Variants in FRMD7 observed in about 807,000 individuals in gnomAD.
The protein encoded by FRMD7 is FERM domain-containing protein 7.
Under a neutral mutation model 44.1 loss-of-function variants are expected in FRMD7, and 14 were observed. The ratio of observed to expected loss-of-function variants is 0.32; its 90% CI spans 0.21 to 0.50. The LOEUF is 0.50. Ranked by LOEUF, FRMD7 falls within the 20% of genes least tolerant of loss-of-function variation. FRMD7 has a pLI of 0.99. For missense variants in FRMD7, 501 were observed against 522.3 expected (o/e 0.96, Z 0.40); for synonymous variants, 212 against 187.4 (o/e 1.13, Z -1.07).
intron 3 of FRMD7, among the ~76,000 whole-genome samples, chrX:132,098,856 A>T (rs1363737243): frequency 9.1e-6 from 1 of 109,602 alleles, no homozygotes; most frequent in African/African-American, 3.3e-5. Flanking sequence ...AGTAAAAGAG[A>T]CATTAAAACA....
chrX:132,113,669 G>A (rs1029576152), intron 1 of FRMD7, among the ~76,000 whole-genome samples: 6 of 111,006 alleles, frequency 5.4e-5, no homozygotes, highest in African/African-American at 1.6e-4. Context: ...CATAGTAGTC[G>A]TATATATTTA....
At position 132,116,271 on chromosome X, in the gene FRMD7, C is replaced by T. The variant is rs186004962; in HGVS notation, c.57+11517G>A. ...CTATTCAACAACTATTGCTTGCCTT[C>T]TCAAAGTTAAAGGAACTTACTGCAT... On this transcript the variant is annotated intron_variant, in intron 1 of 11. Coordinates refer to ENST00000298542, the MANE Select transcript of FRMD7 (RefSeq NM_194277.3). Among the ~76,000 whole-genome samples, 11 of 112,119 alleles carry T rather than the reference C, an allele frequency of 9.8e-5. No individual in the cohort carries two copies. The East Asian group carries it at 2.8e-3, about 28-fold the overall frequency.
At chrX:132,124,479 T>G (rs973626950) in intron 1 of FRMD7, among the ~76,000 whole-genome samples, 1 of 112,007 alleles carries the variant, frequency 8.9e-6, no homozygotes, top group Admixed American at 9.5e-5. Context: ...GATTGTACTT[T>G]AGTAGGCACA....
At chrX:132,120,336 A>T (rs1030115961) in intron 1 of FRMD7, among the ~76,000 whole-genome samples, 1 of 112,614 alleles carries the variant, frequency 8.9e-6, no homozygotes, top group Non-Finnish European at 1.9e-5. Context: ...AGATCTGCAG[A>T]TCGTTCTGGC....
At chrX:132,103,768 C>T (rs1928574262) in intron 1 of FRMD7, among the ~76,000 whole-genome samples, 1 of 112,188 alleles carries the variant, frequency 8.9e-6, no homozygotes, top group South Asian at 3.7e-4. Flanking sequence ...CACTTACTAG[C>T]TGGACGAATT....
intron 1 of FRMD7, 48 bp downstream of exon 1, chrX:132,127,740 T>C (rs1007874380): frequency 1.0e-6 from 1 of 999,964 alleles, no homozygotes; most frequent in African/African-American, 1.9e-5. Context: ...CAAATGACAA[T>C]TATTGAATGA....
intron 1 of FRMD7, among the ~76,000 whole-genome samples, chrX:132,118,921 T>C (rs1928970123): frequency 9.0e-6 from 1 of 111,236 alleles, no homozygotes; most frequent in Admixed American, 9.6e-5. Flanking sequence ...GGGGTTCAGA[T>C]TAGACATCAC....
At chrX:132,121,083 A>G (rs1182991888) in intron 1 of FRMD7, among the ~76,000 whole-genome samples, 1 of 111,799 alleles carries the variant, frequency 8.9e-6, no homozygotes, top group Non-Finnish European at 1.9e-5. Flanking sequence ...ATCAACAAAC[A>G]TCGATTGATC....
intron 1 of FRMD7, among the ~76,000 whole-genome samples, chrX:132,113,803 A>T (rs1402245242): frequency 2.7e-5 from 3 of 111,252 alleles, no homozygotes; most frequent in Non-Finnish European, 5.7e-5. Flanking sequence ...ACACTCTTTT[A>T]GTTATTTTAA....
At chrX:132,096,286 G>C (rs779461559) in intron 4 of FRMD7, among the ~76,000 whole-genome samples, 3 of 109,497 alleles carry the variant, frequency 2.7e-5, no homozygotes, top group Non-Finnish European at 5.7e-5. Context: ...AACTCTTTTG[G>C]GGGGAAGACA....
At chrX:132,119,513 C>T (rs774818915) in intron 1 of FRMD7, among the ~76,000 whole-genome samples, 1 of 111,607 alleles carries the variant, frequency 9.0e-6, no homozygotes, top group South Asian at 3.8e-4. Context: ...AGTGGTGAAG[C>T]GCCATGCCTA....
chrX:132,113,248 T>C (rs1479771739), intron 1 of FRMD7, among the ~76,000 whole-genome samples: 1 of 112,193 alleles, frequency 8.9e-6, no homozygotes. Flanking sequence ...GTGTGCATGA[T>C]ACACAACCAA....
At chrX:132,114,883 T>C (rs1928864340) in intron 1 of FRMD7, among the ~76,000 whole-genome samples, 1 of 112,379 alleles carries the variant, frequency 8.9e-6, no homozygotes, top group East Asian at 2.8e-4. Context: ...TACCCACACA[T>C]CTATCCAAGT....
At chrX:132,087,910 A>G (rs1308263628) in intron 5 of FRMD7, among the ~76,000 whole-genome samples, 2 of 111,213 alleles carry the variant, frequency 1.8e-5, no homozygotes, top group Non-Finnish European at 3.8e-5. Flanking sequence ...ACCAATGACT[A>G]TAATACACTA....
Position 132,127,935 on chromosome X carries a change from G to A in FRMD7, c.-91C>T, listed in dbSNP as rs959540207. 18 of 750,516 alleles carry A rather than the reference G, an allele frequency of 2.4e-5. No homozygotes were observed. The highest frequency in any genetic ancestry group is 3.7e-4 in the Middle Eastern group (1 of 2,695). 61.9% of individuals were successfully genotyped at this position (750,516 alleles called of 1,213,427 possible). On this transcript the variant is annotated 5_prime_UTR_variant, in exon 1 of 12. Coordinates refer to ENST00000298542, the MANE Select transcript of FRMD7 (RefSeq NM_194277.3). ...ACTCCCAGCTGGATGTGGTGCACTC[G>A]GGCCCCCCCACCCCCAGCCAGGCAT... is the stretch of plus-strand genomic sequence containing the variant.
intron 1 of FRMD7, among the ~76,000 whole-genome samples, chrX:132,125,142 C>T (rs1395374824): frequency 5.4e-5 from 6 of 111,615 alleles, no homozygotes; most frequent in Non-Finnish European, 1.1e-4. Context: ...TCTCTGACTC[C>T]AGTTCTTGTG....
chrX:132,099,715 G>A (rs185367891), intron 2 of FRMD7, among the ~76,000 whole-genome samples: 23 of 112,160 alleles, frequency 2.1e-4, no homozygotes, highest in African/African-American at 7.4e-4. Flanking sequence ...AGTGAACATT[G>A]TTGATCTATA....
At position 132,078,759 on chromosome X, in the gene FRMD7, C is replaced by A. The variant is rs756312864; in HGVS notation, c.1258G>T (p.Asp420Tyr). The change falls in exon 12 of 12, where the codon GAC becomes TAC. Residue 420 changes from aspartate (D) to tyrosine (Y), a missense_variant. Coordinates refer to ENST00000298542, the MANE Select transcript of FRMD7 (RefSeq NM_194277.3). ...TTGGGCTCAGTGTTAAAGACAGGGT[C>A]CATATAAATAAAAGGGAAAGAGGAA... ...SSSSFPFIYMDPVFNTEPNPN... is the reference protein window; with the variant it reads ...SSSSFPFIYMYPVFNTEPNPN... 8.3e-7 allele frequency: 1 copy of A among 1,209,139 alleles called. No homozygotes were observed. Among genetic ancestry groups the A allele is most frequent in the East Asian group, 3.0e-5 (1 of 33,755 alleles).
intron 1 of FRMD7, among the ~76,000 whole-genome samples, chrX:132,113,843 G>A (rs1268250718): frequency 1.8e-5 from 2 of 110,862 alleles, no homozygotes; most frequent in Admixed American, 9.6e-5. Flanking sequence ...ATTGACTATA[G>A]TCACCTTGTT....
Sources: allele counts gnomAD v4.1 joint callset (sites outside exome capture counted in the v4.1 genomes callset), GRCh38; gene constraint gnomAD v4.1.1; transcripts MANE v1.5; gene names NCBI Gene and HGNC (gene_info 2026-07-23, HGNC 2026-07-21).